Variants in SUMF1 observed in about 807,000 individuals in gnomAD.
The protein encoded by SUMF1 is formylglycine-generating enzyme.
A neutral mutation model predicts 47.6 loss-of-function variants in SUMF1; 48 were observed. The ratio of observed to expected loss-of-function variants is 1.01; its 90% CI spans 0.80 to 1.28. SUMF1 has a LOEUF of 1.28. SUMF1 is among the 50% of genes most tolerant of loss of function. SUMF1 has a pLI of 0.00. For missense variants in SUMF1, 571 were observed against 485.4 expected (o/e 1.18, Z -1.66); for synonymous variants, 230 against 192.1 (o/e 1.20, Z -1.63).
intron 8 of SUMF1, among the ~76,000 whole-genome samples, chr3:4,331,989 CTTTT>C (rs1239046122): frequency 6.6e-6 from 1 of 152,082 alleles, no homozygotes; most frequent in Admixed American, 6.6e-5. Context: ...ATTCTGAAGA[CTTTT>C]TTTATTTTAC....
At chr3:4,317,083 A>C in intron 8 of SUMF1, 1 of 1,549,114 alleles carries the variant, frequency 6.5e-7, no homozygotes, top group South Asian at 1.2e-5. Flanking sequence ...AAGCATCTCA[A>C]CAACTTTTTG....
chr3:4,059,657 G>A (rs892253604), intron 9 of SUMF1, among the ~76,000 whole-genome samples: 5 of 151,718 alleles, frequency 3.3e-5, no homozygotes, highest in Non-Finnish European at 7.4e-5. Context: ...TCACAATGGT[G>A]AGCAAAAACG....
rs566997601 is a variant in SUMF1 at position 4,064,790 on chromosome 3, C to A, written c.1191+3779G>T. On this transcript the variant is annotated intron_variant and NMD_transcript_variant, in intron 9 of 12. Coordinates refer to the SUMF1 transcript ENST00000448413. ...AACCACTGTGCTCTAATCATTGTCT[C>A]TGCAGTCCTGAGAAGGAGTACGCTT... Among the ~76,000 whole-genome samples the A allele has an allele frequency of 8.5e-5, 13 of 152,278 alleles. 1 individual carries two copies. The East Asian group carries it at 2.5e-3, about 29-fold the overall frequency.
chr3:4,362,409 T>G (rs1699797763), intron 8 of SUMF1, among the ~76,000 whole-genome samples, 155 bp from the exon 9 acceptor site: 1 of 152,174 alleles, frequency 6.6e-6, no homozygotes, highest in Admixed American at 6.5e-5. Flanking sequence ...GGGCAGCACA[T>G]TCAAGAACTA....
intron 3 of SUMF1, among the ~76,000 whole-genome samples, chr3:4,433,757 C>T (rs1702308659): frequency 6.6e-6 from 1 of 152,208 alleles, no homozygotes; most frequent in Non-Finnish European, 1.5e-5. Context: ...GACAGTGGGA[C>T]ATCTAGAGTT....
intron 8 of SUMF1, among the ~76,000 whole-genome samples, chr3:4,364,509 T>G (rs1369251713): frequency 1.3e-5 from 2 of 150,340 alleles, no homozygotes; most frequent in African/African-American, 2.4e-5. Context: ...AGTTTATTTG[T>G]GTAGAGGTGT....
At chr3:4,256,356 G>C (rs1275749829) in intron 8 of SUMF1, among the ~76,000 whole-genome samples, 2 of 104,922 alleles carry the variant, frequency 1.9e-5, no homozygotes, top group South Asian at 7.3e-4. Context: ...CAACAAAATT[G>C]ATAGACCACT....
intron 7 of SUMF1, among the ~76,000 whole-genome samples, chr3:4,390,640 T>G (rs1435360011): frequency 6.6e-6 from 1 of 152,150 alleles, no homozygotes; most frequent in South Asian, 2.1e-4. Context: ...TGGAGTACAG[T>G]GGCACGATCT....
At chr3:4,081,670 G>A (rs73806867) in intron 8 of SUMF1, among the ~76,000 whole-genome samples, 2,373 of 152,146 alleles carry the variant, frequency 0.016, 84 homozygotes, top group African/African-American at 0.055. Flanking sequence ...TATAAAATGG[G>A]ACAATAACAC....
chr3:4,036,657 A>G (rs575345956), intron 9 of SUMF1, among the ~76,000 whole-genome samples: 6 of 151,412 alleles, frequency 4.0e-5, no homozygotes, highest in Non-Finnish European at 5.9e-5. Context: ...AGACCTGCTC[A>G]GTCCAGAGAA....
At chr3:4,170,140 T>C (rs907384801) in intron 8 of SUMF1, among the ~76,000 whole-genome samples, 8 of 152,176 alleles carry the variant, frequency 5.3e-5, no homozygotes, top group African/African-American at 1.9e-4. Flanking sequence ...ATATTGTCTA[T>C]GGCTGTTTTT....
intron 8 of SUMF1, among the ~76,000 whole-genome samples, chr3:4,306,697 C>G (rs1394255065): frequency 1.3e-5 from 2 of 152,214 alleles, no homozygotes; most frequent in East Asian, 1.9e-4. Flanking sequence ...CAAAACCAGT[C>G]TTATAAAAGG....
chr3:4,288,804 GAA>G (rs11436057), intron 8 of SUMF1, among the ~76,000 whole-genome samples: 2 of 147,014 alleles, frequency 1.4e-5, no homozygotes, highest in African/African-American at 5.0e-5. Flanking sequence ...ACTCTGTCTA[GAA>G]AAAAAAAAAA....
At chr3:4,226,891 A>C (rs1166762088) in intron 8 of SUMF1, among the ~76,000 whole-genome samples, 6 of 151,670 alleles carry the variant, frequency 4.0e-5, no homozygotes, top group Non-Finnish European at 2.9e-5. Context: ...CCCGTCCCCT[A>C]CTCCAGTGGT....
At chr3:4,112,256 G>A (rs755056987) in intron 8 of SUMF1, among the ~76,000 whole-genome samples, 1 of 152,084 alleles carries the variant, frequency 6.6e-6, no homozygotes, top group Non-Finnish European at 1.5e-5. Flanking sequence ...AATATGCCTG[G>A]TGGATGGAAC....
chr3:4,286,358 A>C (rs1697632640), intron 8 of SUMF1, among the ~76,000 whole-genome samples: 1 of 152,172 alleles, frequency 6.6e-6, no homozygotes, highest in Non-Finnish European at 1.5e-5. Flanking sequence ...CCGTATTAAC[A>C]AAGAAGCAAG....
At chr3:4,181,667 A>G (rs1695097920) in intron 8 of SUMF1, among the ~76,000 whole-genome samples, 3 of 152,054 alleles carry the variant, frequency 2.0e-5, no homozygotes, top group African/African-American at 7.2e-5. Context: ...AGCTTCCCAA[A>G]ACCTCCCTTA....
chr3:4,339,377 G>C (rs897172905), intron 8 of SUMF1, among the ~76,000 whole-genome samples: 2 of 152,162 alleles, frequency 1.3e-5, no homozygotes, highest in East Asian at 3.8e-4. Context: ...GCTGCTGCTA[G>C]GATTCCCACC....
At chr3:4,376,977 T>A (rs917208242) in intron 7 of SUMF1, among the ~76,000 whole-genome samples, 2 of 151,940 alleles carry the variant, frequency 1.3e-5, no homozygotes, top group African/African-American at 4.8e-5. Context: ...TAAAAATTAT[T>A]ATTTGTAGAG....
Sources: allele counts gnomAD v4.1 joint callset (sites outside exome capture counted in the v4.1 genomes callset), GRCh38; gene constraint gnomAD v4.1.1; transcripts MANE v1.5; gene names NCBI Gene and HGNC (gene_info 2026-07-23, HGNC 2026-07-21).